The following PRSS23 variants were observed in gnomAD, a reference collection of about 807,000 sequenced individuals.
PRSS23 encodes serine protease 23, also known as protease, serine 23.
PRSS23 carries 25 observed loss-of-function variants against 34.7 expected under a neutral mutation model. The ratio of observed to expected loss-of-function variants is 0.72; its 90% CI spans 0.53 to 1.01. The LOEUF is 1.01. PRSS23 is among the 50% of genes least tolerant of loss of function. PRSS23 has a pLI of 0.00. For missense variants in PRSS23, 445 were observed against 475.6 expected (o/e 0.94, Z 0.60); for synonymous variants, 176 against 186.6 (o/e 0.94, Z 0.46).
chr11:86,895,712 T>C (rs1948870490), intron 2 of PRSS23, among the ~76,000 whole-genome samples: 1 of 152,150 alleles, frequency 6.6e-6, no homozygotes, highest in African/African-American at 2.4e-5. Context: ...ACTCCTGGGC[T>C]CAAGTGATCG....
intron 2 of PRSS23, among the ~76,000 whole-genome samples, chr11:86,899,277 G>A (rs184331093): frequency 6.6e-6 from 1 of 152,250 alleles, no homozygotes; most frequent in East Asian, 1.9e-4. Flanking sequence ...CCAGAACTTT[G>A]GGAGGCTGAA....
intron 2 of PRSS23, chr11:86,833,370 C>A (rs929964425): frequency 2.6e-6 from 2 of 777,402 alleles, no homozygotes; most frequent in Non-Finnish European, 4.5e-6. Context: ...TGAACAGGAA[C>A]AGCCCAGCGA....
intron 2 of PRSS23, among the ~76,000 whole-genome samples, chr11:86,915,530 G>A (rs561906091): frequency 5.4e-5 from 8 of 148,206 alleles, no homozygotes; most frequent in Admixed American, 1.4e-4. Flanking sequence ...GCTTAGAGTC[G>A]TAATAATAAT....
intron 2 of PRSS23, among the ~76,000 whole-genome samples, chr11:86,830,877 C>T (rs1948349518): frequency 6.6e-6 from 1 of 152,034 alleles, no homozygotes; most frequent in Non-Finnish European, 1.5e-5. Flanking sequence ...CAGGGGTGTA[C>T]ACCCTGTGAC....
intron 2 of PRSS23, among the ~76,000 whole-genome samples, chr11:86,885,930 T>G (rs1413449934): frequency 6.6e-6 from 1 of 152,240 alleles, no homozygotes; most frequent in Non-Finnish European, 1.5e-5. Context: ...CAATTTATTA[T>G]GTTCTTGCTT....
At chr11:86,800,127 G>C (rs1470156054), upstream of PRSS23, 1 of 152,298 alleles carries the variant, frequency 6.6e-6, no homozygotes, top group Non-Finnish European at 1.5e-5. Flanking sequence ...CTTTTGTAGG[G>C]GACCTGGTCT....
At chr11:86,902,060 T>C (rs1293618406) in intron 2 of PRSS23, among the ~76,000 whole-genome samples, 1 of 152,092 alleles carries the variant, frequency 6.6e-6, no homozygotes, top group African/African-American at 2.4e-5. Flanking sequence ...ACAGAGTAGA[T>C]TGTCAATTCA....
intron 2 of PRSS23, among the ~76,000 whole-genome samples, chr11:86,860,952 T>C (rs1405061451): frequency 9.9e-5 from 15 of 151,624 alleles, no homozygotes; most frequent in Admixed American, 7.9e-4. Flanking sequence ...ACTCCCAATA[T>C]AGAAGGGGGA....
intron 2 of PRSS23, among the ~76,000 whole-genome samples, chr11:86,873,231 T>TAC (rs1316329923): frequency 4.8e-5 from 4 of 82,700 alleles, no homozygotes; most frequent in African/African-American, 3.2e-4. Flanking sequence ...TATGTATATA[T>TAC]ATATACACAC....
At chr11:86,879,730 T>G in intron 2 of PRSS23, among the ~76,000 whole-genome samples, 1 of 118,930 alleles carries the variant, frequency 8.4e-6, no homozygotes, top group Non-Finnish European at 1.8e-5. Context: ...GGTGGGGGTG[T>G]CAGCCCCCCG....
At chr11:86,826,200 C>T (rs1326674491) in intron 2 of PRSS23, among the ~76,000 whole-genome samples, 1 of 151,766 alleles carries the variant, frequency 6.6e-6, no homozygotes, top group African/African-American at 2.4e-5. Flanking sequence ...CTTCACGTCC[C>T]TTGTAAGTTG....
At chr11:86,943,623 C>CAA (rs35236853) in intron 2 of PRSS23, among the ~76,000 whole-genome samples, 3 of 150,958 alleles carry the variant, frequency 2.0e-5, no homozygotes, top group Admixed American at 1.3e-4. Context: ...GACTCCATCT[C>CAA]AAAAAAATAA....
intron 2 of PRSS23, among the ~76,000 whole-genome samples, chr11:86,902,194 T>C (rs1948915869): frequency 6.6e-6 from 1 of 152,200 alleles, no homozygotes; most frequent in African/African-American, 2.4e-5. Context: ...TATGTACTTA[T>C]AAACTGAGCC....
intron 2 of PRSS23, among the ~76,000 whole-genome samples, chr11:86,938,395 C>T (rs921753101): frequency 2.0e-5 from 3 of 152,168 alleles, no homozygotes; most frequent in Non-Finnish European, 4.4e-5. Flanking sequence ...AGAGGAAACA[C>T]TTACTCAGGG....
At chr11:86,798,370 C>A (rs907165609), upstream of PRSS23, among the ~76,000 whole-genome samples, 3 of 152,158 alleles carry the variant, frequency 2.0e-5, no homozygotes, top group Non-Finnish European at 4.4e-5. Flanking sequence ...AGAAACAGCA[C>A]AAATACCTAA....
chr11:86,837,639 C>T (rs1948417026), intron 2 of PRSS23: 1 of 152,216 alleles, frequency 6.6e-6, no homozygotes, highest in African/African-American at 2.4e-5. Flanking sequence ...TGGCAGCATG[C>T]ACCTGTTGTC....
At chr11:86,835,080 A>T (rs1473286660) in intron 2 of PRSS23, among the ~76,000 whole-genome samples, 3 of 152,222 alleles carry the variant, frequency 2.0e-5, no homozygotes, top group African/African-American at 7.2e-5. Flanking sequence ...TGTCTGGAAG[A>T]AATGTAGCTG....
intron 2 of PRSS23, among the ~76,000 whole-genome samples, chr11:86,853,085 C>G (rs1337974842): frequency 4.0e-5 from 6 of 151,536 alleles, no homozygotes; most frequent in Non-Finnish European, 7.4e-5. Flanking sequence ...AACTCCTGAC[C>G]TTAAGTGATC....
chr11:86,883,558 C>A lies in PRSS23; in HGVS notation c.206+59965C>A, dbSNP rs142158178. On this transcript the variant is annotated intron_variant, in intron 2 of 2. Coordinates refer to the PRSS23 transcript ENST00000533902. ...TAAAAACCCTGGAAGACAACCTAGG[C>A]AATACCATTCAGGATGTGGGCATGG... Among the ~76,000 whole-genome samples the A allele has an allele frequency of 4.8e-3, 729 of 152,282 alleles. 3 individuals carry two copies. The highest frequency in any genetic ancestry group is 0.016 in the African/African-American group (682 of 41,554).
Sources: gnomAD v4.1 joint callset for allele counts (sites outside exome capture counted in the v4.1 genomes callset) on GRCh38, gnomAD v4.1.1 for gene constraint, MANE v1.5 for transcripts, NCBI Gene and HGNC (gene_info 2026-07-23, HGNC 2026-07-21) for gene names.